Variants in CLC observed in about 807,000 individuals in gnomAD.
CLC encodes Charcot-Leyden crystal galectin, also known as galectin-10.
CLC carries 15 observed loss-of-function variants against 13.9 expected under a neutral mutation model. That is an observed-to-expected ratio of 1.08 (90% confidence interval 0.72 to 1.66). The LOEUF is 1.66. CLC is among the 40% of genes most tolerant of loss of function. The pLI is 0.00. For missense variants in CLC, 161 were observed against 169.1 expected (o/e 0.95, Z 0.27); for synonymous variants, 68 against 59.9 (o/e 1.14, Z -0.63).
intron 3 of CLC, among the ~76,000 whole-genome samples, chr19:39,733,532 C>A (rs1026646613): frequency 2.6e-5 from 4 of 152,044 alleles, no homozygotes; most frequent in African/African-American, 4.8e-5. Flanking sequence ...CATTGGAAAC[C>A]AACTCAGTGC....
intron 1 of CLC, 108 bp from the exon 2 acceptor site, chr19:39,735,181 G>T (rs1967290641): frequency 7.9e-6 from 6 of 756,650 alleles, no homozygotes; most frequent in Non-Finnish European, 1.4e-5. Flanking sequence ...GTAGACTCAG[G>T]CCTCCCTGCT....
chr19:39,735,518 G>A (rs1967295068), intron 1 of CLC, among the ~76,000 whole-genome samples: 2 of 152,112 alleles, frequency 1.3e-5, no homozygotes, highest in African/African-American at 4.8e-5. Flanking sequence ...GTTTCACGAT[G>A]TTGCCCAGGC....
At chr19:39,736,245 A>T (rs1967307869) in intron 1 of CLC, among the ~76,000 whole-genome samples, 1 of 152,064 alleles carries the variant, frequency 6.6e-6, no homozygotes, top group Admixed American at 6.5e-5. Flanking sequence ...GAGGGAAACG[A>T]ACAGGAAAGA....
chr19:39,737,903 C>T (rs1389383213), intron 1 of CLC, 35 bp downstream of exon 1: 2 of 1,602,588 alleles, frequency 1.2e-6, no homozygotes, highest in Non-Finnish European at 1.7e-6. Flanking sequence ...TCTGTGTGAC[C>T]TGAGATTATT....
At chr19:39,731,586 C>G in intron 3 of CLC, 81 bp from the exon 4 acceptor site, 1 of 1,434,286 alleles carries the variant, frequency 7.0e-7, no homozygotes, top group Non-Finnish European at 9.4e-7. Context: ...TGTCATAGTA[C>G]CTGAAACATC....
chr19:39,734,886 C>A (rs924789058), intron 2 of CLC, 111 bp downstream of exon 2: 1 of 826,398 alleles, frequency 1.2e-6, no homozygotes, highest in Non-Finnish European at 2.0e-6. Context: ...ACATTCATGG[C>A]ACTTCCATCC....
intron 1 of CLC, 79 bp from the exon 2 acceptor site, chr19:39,735,152 G>T: frequency 2.1e-6 from 2 of 956,638 alleles, no homozygotes; most frequent in Non-Finnish European, 3.4e-6. Context: ...CCATGGTGCA[G>T]CCAGTTAGAG....
chr19:39,735,141 C>T, intron 1 of CLC, 68 bp from the exon 2 acceptor site: 1 of 1,105,412 alleles, frequency 9.0e-7, no homozygotes, highest in South Asian at 1.2e-5. Context: ...GTAACAGATT[C>T]CCATGGTGCA....
rs1967283705 is a variant in CLC, at chr19:39,734,782, GCCTTGAGTGT to G, written c.92+205_92+214del. ...AATAGATAAAGTGTCACAGCCCCAA[GCCTTGAGTGT>G]CCTTTACTCCTAGACCCATGACTAG... On this transcript the variant is annotated intron_variant, in intron 2 of 3. Transcript: ENST00000221804. 3.9e-5 allele frequency among the ~76,000 whole-genome samples: 6 copies of G among 152,232 alleles called. 1 individual carries two copies. The South Asian group carries it at 1.2e-3, about 32-fold the overall frequency.
Position 39,734,323 on chromosome 19 carries a change from T to C in CLC, c.263A>G (p.Glu88Gly). ...SKNMPFQDGQ[E>G]FELSISVLPD... ...CAGCACTGAGATGCTCAGTTCAAAT[T>C]CTTGGCCATCCTGAAAGGGCATATT... The change falls in exon 3 of 4, where the codon GAA becomes GGA. Residue 88 changes from glutamate (E) to glycine (G), a missense_variant. Transcript: ENST00000221804. 6.2e-7 allele frequency: 1 copy of C among 1,614,004 alleles called. No homozygotes were observed. Among genetic ancestry groups the C allele is most frequent in the Non-Finnish European group, 8.5e-7 (1 of 1,179,958 alleles).
chr19:39,736,359 C>G (rs1052263463), intron 1 of CLC, among the ~76,000 whole-genome samples: 1 of 152,184 alleles, frequency 6.6e-6, no homozygotes, highest in Non-Finnish European at 1.5e-5. Context: ...AACCGCAGTA[C>G]TTGCACAAAT....
intron 3 of CLC, among the ~76,000 whole-genome samples, chr19:39,731,755 A>G (rs113791020): frequency 2.6e-5 from 4 of 152,204 alleles, no homozygotes; most frequent in African/African-American, 9.6e-5. Context: ...CATGGGCCAT[A>G]TTTGCTCAGC....
chr19:39,731,366 A>G lies in CLC; in HGVS notation c.*14T>C, dbSNP rs1344750385. 6.2e-7 allele frequency: 1 copy of G among 1,612,580 alleles called. No homozygotes were observed. The highest frequency in any genetic ancestry group is 8.5e-7 in the Non-Finnish European group (1 of 1,179,320). On this transcript the variant is annotated 3_prime_UTR_variant, in exon 4 of 4. Transcript: ENST00000221804. ...CACGTAGAGACAGGGATTCCTTGGC[A>G]ACATGAAGTCTGGTTATCTCTTTAA...
At chr19:39,732,913 A>G (rs1967247916) in intron 3 of CLC, among the ~76,000 whole-genome samples, 1 of 137,476 alleles carries the variant, frequency 7.3e-6, no homozygotes, top group Non-Finnish European at 1.6e-5. Context: ...ACAAAAGACA[A>G]AATTGACAAA....
rs1967287676 is a variant in CLC, at chr19:39,735,013, G to A, written c.76C>T (p.Pro26Ser). 1.2e-6 allele frequency: 2 copies of A among 1,613,052 alleles called. No individual in the cohort carries two copies. The highest frequency in any genetic ancestry group is 1.1e-5 in the South Asian group (1 of 91,058). Residue 26 changes from proline to serine, a missense_variant, in exon 2 of 4, where the codon CCA becomes TCA. Physicochemically the swap from Pro to Ser is moderately conservative, Grantham distance 74. Coordinates refer to ENST00000221804, the MANE Select transcript of CLC (RefSeq NM_001828.6). ...AGTACTCACAAGAAACAGGCAAGTG[G>A]TCGCCCTTTGATTGTCACAGTAGAA... The part of the protein sequence containing the change: ...TGSTVTIKGR[P>S]LACFLNEPYL...
chr19:39,734,928 T>G, intron 2 of CLC, 69 bp downstream of exon 2: 4 of 1,205,762 alleles, frequency 3.3e-6, no homozygotes, highest in Non-Finnish European at 4.9e-6. Context: ...GATTCACACA[T>G]GAGGTCACCC....
Position 39,733,349 on chromosome 19 carries a change from AG to A in CLC, c.303+933del, listed in dbSNP as rs1372706443. 2.6e-5 allele frequency among the ~76,000 whole-genome samples: 4 copies of A among 152,344 alleles called. No individual in the cohort carries two copies. The South Asian group carries it at 6.2e-4, about 24-fold the overall frequency. On this transcript the variant is annotated intron_variant, in intron 3 of 3. Transcript: ENST00000221804. ...ACTTTGATCACATTCTTTATTACTG[AG>A]GCTACACAGGGAGTCATATTTTAGG...
At chr19:39,734,248 G>A (rs770723553) in intron 3 of CLC, 35 bp downstream of exon 3, 6 of 1,599,954 alleles carry the variant, frequency 3.8e-6, no homozygotes, top group Admixed American at 1.7e-5. Flanking sequence ...GAGATCCCAT[G>A]GAAGCCGGGT....
intron 1 of CLC, among the ~76,000 whole-genome samples, chr19:39,736,728 T>G (rs1391025127): frequency 6.7e-6 from 1 of 150,242 alleles, no homozygotes; most frequent in East Asian, 2.0e-4. Flanking sequence ...TGAGCCGAGA[T>G]TGCACCACTG....
Sources: allele counts gnomAD v4.1 joint callset (sites outside exome capture counted in the v4.1 genomes callset), GRCh38; gene constraint gnomAD v4.1.1; transcripts MANE v1.5; gene names NCBI Gene and HGNC (gene_info 2026-07-23, HGNC 2026-07-21).